Variants in LARP4 observed in about 807,000 individuals in gnomAD.
The protein encoded by LARP4 is La ribonucleoprotein 4.
Under a neutral mutation model 92.9 loss-of-function variants are expected in LARP4, and 29 were observed. The observed-to-expected ratio is 0.31, with a 90% CI of 0.23 to 0.43. The LOEUF is 0.43. LARP4 is among the 20% of genes least tolerant of loss of function. The probability of loss-of-function intolerance (pLI) is 1.00; values close to 1 mark genes in which losing one functional copy is unlikely to be tolerated. For missense variants in LARP4, 732 were observed against 860.0 expected (o/e 0.85, Z 1.86); for synonymous variants, 279 against 284.1 (o/e 0.98, Z 0.18).
At chr12:50,402,928 T>C in intron 1 of LARP4, 1 of 396,634 alleles carries the variant, frequency 2.5e-6, no homozygotes, top group Non-Finnish European at 5.0e-6. Flanking sequence ...ATGAGTTTTA[T>C]TGAAAATTAA....
chr12:50,416,871 G>A (rs1324903624), intron 1 of LARP4, among the ~76,000 whole-genome samples: 2 of 152,092 alleles, frequency 1.3e-5, no homozygotes, highest in African/African-American at 4.8e-5. Flanking sequence ...GGGAGCCTGA[G>A]GTGGGAGTAT....
Position 50,441,637 on chromosome 12 carries a change from A to G in LARP4, c.798A>G (p.Pro266=). The change falls in exon 8 of 16, where the codon CCA becomes CCG. Residue 266 remains proline, a synonymous_variant. Coordinates refer to ENST00000398473, the MANE Select transcript of LARP4 (RefSeq NM_052879.5). ...REEVKTFQGK[P]IMARIKAINT... The stretch of plus-strand genomic sequence containing the variant: ...AAGTTAAAACATTTCAGGGCAAGCC[A>G]ATTATGGTAAGAAATAGAGATCAGT... The G allele has an allele frequency of 6.2e-7, 1 of 1,600,134 alleles. No individual in the cohort carries two copies. The highest frequency in any genetic ancestry group is 8.5e-7 in the Non-Finnish European group (1 of 1,174,010).
intron 13 of LARP4, among the ~76,000 whole-genome samples, chr12:50,473,121 A>G (rs1957120197): frequency 6.6e-6 from 1 of 152,070 alleles, no homozygotes; most frequent in South Asian, 2.1e-4. Context: ...CGCCCAGCCT[A>G]TTTAACTTTT....
rs555627639 is a variant in LARP4 at position 50,409,808 on chromosome 12, A to AT, written c.18+8787dup. ...AAAAAGAATTATTATTATTATTATT[A>AT]TTTTTTTAAGATGGCGTTTCGCTCT... On this transcript the variant is annotated intron_variant, in intron 1 of 15. Coordinates refer to ENST00000398473, the MANE Select transcript of LARP4 (RefSeq NM_052879.5). 1.4e-3 allele frequency among the ~76,000 whole-genome samples: 212 copies of AT among 149,934 alleles called. 2 individuals carry two copies. In the East Asian group the frequency reaches 0.025, roughly 18 times the overall value.
At position 50,438,163 on chromosome 12, in the gene LARP4, A is replaced by G. The variant is rs544161140; in HGVS notation, c.639+325A>G. ...GGCTATTTTGGGAACTTGAGAATTC[A>G]TCTGTAAGAATGAATGAAAAACTAG... On this transcript the variant is annotated intron_variant, in intron 6 of 15. Coordinates refer to ENST00000398473, the MANE Select transcript of LARP4 (RefSeq NM_052879.5). Among the ~76,000 whole-genome samples the G allele has an allele frequency of 4.6e-4, 70 of 152,346 alleles. 1 individual carries two copies. The highest frequency in any genetic ancestry group is 1.6e-3 in the African/African-American group (65 of 41,588).
intron 1 of LARP4, chr12:50,420,670 G>C (rs1414908824): frequency 6.6e-6 from 1 of 152,134 alleles, no homozygotes; most frequent in African/African-American, 2.4e-5. Context: ...GTGCCTGAAA[G>C]GGGTTATATG....
At position 50,473,546 on chromosome 12, in the gene LARP4, A is replaced by G. The variant is rs1443671575; in HGVS notation, c.1667+10A>G. The G allele has an allele frequency of 2.5e-6, 4 of 1,611,262 alleles. No homozygotes were observed. The South Asian group carries it at 3.3e-5, about 13-fold the overall frequency. On this transcript the variant is annotated intron_variant, in intron 14 of 15. Coordinates refer to ENST00000398473, the MANE Select transcript of LARP4 (RefSeq NM_052879.5). Reference sequence around the variant, plus strand: ...AGCTTACTGCATTAAGGTACAAGTTATAGTATAGAAGATCTTCAACATTAA... The same window carrying G: ...AGCTTACTGCATTAAGGTACAAGTTGTAGTATAGAAGATCTTCAACATTAA...
At chr12:50,437,461 T>C (rs1458956282) in intron 5 of LARP4, among the ~76,000 whole-genome samples, 1 of 152,164 alleles carries the variant, frequency 6.6e-6, no homozygotes, top group Admixed American at 6.5e-5. Flanking sequence ...ATTAGATATA[T>C]GTTGTATGCT....
intron 12 of LARP4, among the ~76,000 whole-genome samples, chr12:50,466,089 C>T (rs151278190): frequency 2.0e-5 from 3 of 152,176 alleles, no homozygotes; most frequent in Non-Finnish European, 4.4e-5. Context: ...TGCTATATGT[C>T]AGGAAATGAG....
intron 1 of LARP4, among the ~76,000 whole-genome samples, chr12:50,407,429 C>G (rs1945061977): frequency 6.6e-6 from 1 of 152,150 alleles, no homozygotes; most frequent in East Asian, 1.9e-4. Context: ...GCAAGTCAAA[C>G]AATTTATAAT....
In LARP4 at chr12:50,462,624, G is replaced by A. The variant is rs368828174; in HGVS notation, c.1377G>A (p.Arg459=). The A allele has an allele frequency of 2.5e-6, 4 of 1,588,512 alleles. No individual in the cohort carries two copies. The African/African-American group carries it at 5.5e-5, about 22-fold the overall frequency. Residue 459 remains arginine, a synonymous_variant, in exon 12 of 16, where the codon AGG becomes AGA. Transcript: ENST00000398473. ...FRGRRRREDD[R]ISRPHPSTAE... is the part of the protein sequence containing the mutation. ...GTCGAAGACGACGAGAAGATGACAG[G>A]ATCTCAGTAAGTTTTTTAAAACTTT... is the stretch of plus-strand genomic sequence containing the variant.
intron 1 of LARP4, among the ~76,000 whole-genome samples, chr12:50,402,136 G>A (rs767494267): frequency 2.0e-5 from 3 of 151,906 alleles, no homozygotes; most frequent in Non-Finnish European, 4.4e-5. Context: ...TTTTTTCCGG[G>A]TTGTGGGAAA....
intron 13 of LARP4, among the ~76,000 whole-genome samples, chr12:50,473,200 T>C (rs1333981735): frequency 6.6e-6 from 1 of 152,218 alleles, no homozygotes; most frequent in Non-Finnish European, 1.5e-5. Context: ...TGTATGAGTT[T>C]TAATGTCTCC....
chr12:50,474,538 G>A (rs1168948043), intron 15 of LARP4, among the ~76,000 whole-genome samples: 1 of 151,994 alleles, frequency 6.6e-6, no homozygotes, highest in Admixed American at 6.6e-5. Context: ...TAGTAGAGAC[G>A]GGGTTTCACT....
At chr12:50,467,857 G>GT (rs11401894) in intron 13 of LARP4, among the ~76,000 whole-genome samples, 106,320 of 147,048 alleles carry the variant, frequency 0.72, 43,330 homozygotes, top group Non-Finnish European at 0.93. Flanking sequence ...TTCTAATTCA[G>GT]TTTTTTTTTT....
intron 8 of LARP4, among the ~76,000 whole-genome samples, chr12:50,443,218 C>G (rs1951496455): frequency 6.6e-6 from 1 of 152,128 alleles, no homozygotes; most frequent in South Asian, 2.1e-4. Context: ...TTCAGATTCT[C>G]TGTTTTCTTT....
intron 8 of LARP4, among the ~76,000 whole-genome samples, chr12:50,443,643 C>T (rs1315944884): frequency 2.0e-5 from 3 of 151,964 alleles, no homozygotes; most frequent in Non-Finnish European, 4.4e-5. Flanking sequence ...TGGCGTTTCA[C>T]TCTTACCACC....
chr12:50,426,067 A>G (rs1463287782), intron 1 of LARP4, among the ~76,000 whole-genome samples: 1 of 151,984 alleles, frequency 6.6e-6, no homozygotes, highest in Non-Finnish European at 1.5e-5. Context: ...ACTGTACCCA[A>G]TTGTCTTCCT....
intron 1 of LARP4, among the ~76,000 whole-genome samples, chr12:50,401,659 T>C (rs1047410155): frequency 6.6e-6 from 1 of 152,130 alleles, no homozygotes. Context: ...TTTGTAAAAG[T>C]TACTCAAGCA....
Sources: allele counts gnomAD v4.1 joint callset (sites outside exome capture counted in the v4.1 genomes callset), GRCh38; gene constraint gnomAD v4.1.1; transcripts MANE v1.5; gene names NCBI Gene and HGNC (gene_info 2026-07-23, HGNC 2026-07-21).